Variants in PPEF2 observed in about 807,000 individuals in gnomAD.
PPEF2 encodes serine/threonine-protein phosphatase with EF-hands 2.
In PPEF2, 84 loss-of-function variants were observed where a neutral mutation model predicts 84.7. The ratio of observed to expected loss-of-function variants is 0.99; its 90% confidence interval spans 0.83 to 1.19. PPEF2 has a LOEUF of 1.19. PPEF2 is among the 50% of genes most tolerant of loss of function. The pLI, the probability that PPEF2 is intolerant of heterozygous loss-of-function variation, is 0.00. For synonymous variants in PPEF2, 346 were observed against 345.2 expected (o/e 1.00, Z -0.03); for missense variants, 924 against 937.5 (o/e 0.99, Z 0.19).
At chr4:75,877,009 AG>A (rs1308724074) in intron 10 of PPEF2, among the ~76,000 whole-genome samples, 3 of 117,148 alleles carry the variant, frequency 2.6e-5, no homozygotes, top group South Asian at 2.3e-4. Context: ...CCCTGAAAAA[AG>A]AAAGAAAGAA....
rs539493453 is a variant in PPEF2 at position 75,866,203 on chromosome 4, G to T, written c.1906C>A (p.Gln636Lys). 502 of 1,612,860 alleles carry T rather than the reference G, an allele frequency of 3.1e-4. 7 individuals are homozygous for T. The South Asian group carries it at 5.3e-3, about 17-fold the overall frequency. Residue 636 changes from glutamine (Q) to lysine (K), a missense_variant, in exon 15 of 17, where the codon CAA (glutamine) becomes AAA (lysine). Coordinates refer to ENST00000286719, the MANE Select transcript of PPEF2 (RefSeq NM_006239.3). ...KSWLKNLAKE[Q>K]LSRENIQSSL... ...CACACCGTTACCTCGCGACTCAGTTGTTCCTTGGCCAAGTTCTTCAGCCAA... is the reference window on the plus strand; with the variant it reads ...CACACCGTTACCTCGCGACTCAGTTTTTCCTTGGCCAAGTTCTTCAGCCAA...
intron 7 of PPEF2, among the ~76,000 whole-genome samples, chr4:75,885,600 C>T (rs925574011): frequency 4.6e-4 from 70 of 152,324 alleles, no homozygotes; most frequent in African/African-American, 1.6e-3. Flanking sequence ...CACAGTGGCT[C>T]ACGCCTGTAA....
rs1329973028 is a variant in PPEF2 at position 75,864,546 on chromosome 4, T to A, written c.1921-19A>T. 1.3e-6 allele frequency: 2 copies of A among 1,572,234 alleles called. No individual in the cohort carries two copies. Among genetic ancestry groups the A allele is most frequent in the African/African-American group, 2.7e-5 (2 of 73,914 alleles). ...GTATGTTCTGCAAGAAAAAATTCATTTTCCTTCTTTGTCATACGTTTAGAC... is the reference window on the plus strand; with the variant it reads ...GTATGTTCTGCAAGAAAAAATTCATATTCCTTCTTTGTCATACGTTTAGAC... On this transcript the variant is annotated intron_variant, in intron 15 of 16. Transcript: ENST00000286719.
chr4:75,862,765 G>C (rs1577999217), intron 16 of PPEF2, among the ~76,000 whole-genome samples: 1 of 152,028 alleles, frequency 6.6e-6, no homozygotes, highest in East Asian at 1.9e-4. Flanking sequence ...GTTAAACATA[G>C]AATCACCATA....
At chr4:75,892,582 C>T (rs1724916478) in intron 2 of PPEF2, among the ~76,000 whole-genome samples, 1 of 152,122 alleles carries the variant, frequency 6.6e-6, no homozygotes, top group South Asian at 2.1e-4. Flanking sequence ...CAACTGTGTC[C>T]CAGCTCCCAT....
chr4:75,873,397 G>T, intron 11 of PPEF2, 85 bp from the exon 12 acceptor site: 1 of 1,197,640 alleles, frequency 8.3e-7, no homozygotes, highest in Non-Finnish European at 1.2e-6. Flanking sequence ...AGAGGAGGAG[G>T]AAAATATTTG....
intron 1 of PPEF2, among the ~76,000 whole-genome samples, chr4:75,901,594 C>G (rs541912813): frequency 4.0e-5 from 6 of 151,682 alleles, no homozygotes; most frequent in African/African-American, 1.2e-4. Context: ...AATGTGAAAA[C>G]TTCATAAGGT....
chr4:75,874,013 C>T (rs1049051138), intron 11 of PPEF2, among the ~76,000 whole-genome samples: 3 of 151,856 alleles, frequency 2.0e-5, no homozygotes, highest in Admixed American at 6.6e-5. Flanking sequence ...GAGGCTGAGG[C>T]AGGAGAATCA....
At chr4:75,865,204 T>C (rs1344503658) in intron 15 of PPEF2, among the ~76,000 whole-genome samples, 1 of 152,186 alleles carries the variant, frequency 6.6e-6, no homozygotes, top group African/African-American at 2.4e-5. Flanking sequence ...CCCAAAGTGC[T>C]GGGATTACAA....
At chr4:75,893,328 T>C (rs1724933338) in intron 2 of PPEF2, among the ~76,000 whole-genome samples, 1 of 152,128 alleles carries the variant, frequency 6.6e-6, no homozygotes, top group Non-Finnish European at 1.5e-5. Context: ...TGAAACCTCA[T>C]CTCTACTAAA....
chr4:75,889,613 C>T (rs1578013979), intron 5 of PPEF2, among the ~76,000 whole-genome samples: 1 of 152,328 alleles, frequency 6.6e-6, no homozygotes, highest in East Asian at 1.9e-4. Context: ...TTGTCTGCCT[C>T]CCCGATGGAA....
At chr4:75,885,490 TG>T (rs1724697547) in intron 7 of PPEF2, among the ~76,000 whole-genome samples, 1 of 152,200 alleles carries the variant, frequency 6.6e-6, no homozygotes, top group African/African-American at 2.4e-5. Context: ...TTAAATAGTT[TG>T]CAAAAATGTA....
chr4:75,872,497 C>T (rs1261251727), intron 12 of PPEF2, among the ~76,000 whole-genome samples: 1 of 152,108 alleles, frequency 6.6e-6, no homozygotes, highest in Non-Finnish European at 1.5e-5. Flanking sequence ...ACCAGGATGG[C>T]CATTACAATG....
At chr4:75,884,806 A>G (rs775833247) in intron 7 of PPEF2, 46 bp from the exon 8 acceptor site, 12 of 1,476,406 alleles carry the variant, frequency 8.1e-6, no homozygotes, top group Non-Finnish European at 1.0e-5. Flanking sequence ...GAGGAAGGAA[A>G]TAGGAAATCA....
intron 3 of PPEF2, 59 bp downstream of exon 3, chr4:75,891,791 AC>A (rs1358091924): frequency 1.3e-6 from 2 of 1,596,166 alleles, no homozygotes; most frequent in African/African-American, 1.3e-5. Context: ...CTTTAGGAGC[AC>A]CCGAGCCCTG....
chr4:75,885,349 A>G (rs935513971), intron 7 of PPEF2, among the ~76,000 whole-genome samples: 2 of 152,090 alleles, frequency 1.3e-5, no homozygotes, highest in Middle Eastern at 3.2e-3. Context: ...GGGCCTCACT[A>G]TGTTGCCCAG....
At chr4:75,884,074 A>G (rs927755170) in intron 8 of PPEF2, among the ~76,000 whole-genome samples, 4 of 152,170 alleles carry the variant, frequency 2.6e-5, no homozygotes, top group African/African-American at 9.7e-5. Flanking sequence ...TGGAGGTTGC[A>G]GTGTGCCAAG....
intron 7 of PPEF2, 190 bp from the exon 8 acceptor site, chr4:75,884,950 G>A: frequency 1.9e-6 from 1 of 520,978 alleles, no homozygotes; most frequent in Non-Finnish European, 3.3e-6. Flanking sequence ...CCTTTCCAGA[G>A]AGGCTAAGGT....
chr4:75,881,807 G>A (rs569062431), intron 10 of PPEF2: 21 of 152,086 alleles, frequency 1.4e-4, no homozygotes, highest in African/African-American at 5.1e-4. Flanking sequence ...CCTATTCCAG[G>A]GTTCAAACCC....
Sources: gnomAD v4.1 joint callset for allele counts (sites outside exome capture counted in the v4.1 genomes callset) on GRCh38, gnomAD v4.1.1 for gene constraint, MANE v1.5 for transcripts, NCBI Gene and HGNC (gene_info 2026-07-23, HGNC 2026-07-21) for gene names.